Variants in DPH7 observed in about 807,000 individuals in gnomAD.
DPH7 encodes the protein diphthine methyltransferase.
DPH7 carries 44 observed loss-of-function variants against 41.7 expected under a neutral mutation model. That is an observed-to-expected ratio of 1.05 (90% confidence interval 0.83 to 1.36). The LOEUF is 1.36. Ranked by LOEUF, DPH7 falls within the 40% of genes most tolerant of loss-of-function variation. The probability of loss-of-function intolerance (pLI) is 0.00; values close to 1 mark genes in which losing one functional copy is unlikely to be tolerated. For missense variants in DPH7, 629 were observed against 577.5 expected, an observed-to-expected ratio of 1.09 and a Z score of -0.91; for synonymous variants, 275 against 238.0, an observed-to-expected ratio of 1.16 and a Z score of -1.43.
intron 8 of DPH7, among the ~76,000 whole-genome samples, chr9:137,560,298 T>C (rs1838281943): frequency 6.6e-6 from 1 of 152,078 alleles, no homozygotes; most frequent in East Asian, 1.9e-4. Flanking sequence ...GGAACAGCTG[T>C]CACCAGGATG....
Position 137,555,300 on chromosome 9 carries a change from A to G in DPH7, c.1298T>C (p.Leu433Pro), listed in dbSNP as rs760247811. 1 of 1,612,768 alleles carries G rather than the reference A, an allele frequency of 6.2e-7. No homozygotes were observed. The highest frequency in any genetic ancestry group is 1.1e-5 in the South Asian group (1 of 90,862). Reference protein sequence around the residue: ...NPEEADSAFSLLATCSFYDHA... With the variant: ...NPEEADSAFSPLATCSFYDHA... ...GTCATAGAAGGAGCAGGTGGCCAGG[A>G]GGCTGAAGGCTGAGTCTGCTTCTTC... The change falls in exon 9 of 9, where the codon CTC (leucine) becomes CCC (proline). Residue 433 changes from leucine to proline, a missense_variant. Leu to Pro is a moderately conservative substitution (Grantham distance 98, BLOSUM62 -3). Transcript: ENST00000277540.
rs1331517334 is a variant in DPH7, at chr9:137,574,291, T to G, written c.557A>C (p.Gln186Pro). Reference protein sequence around the residue: ...LMVNETRPRLQKVASWQAHQF... With the variant: ...LMVNETRPRLPKVASWQAHQF... The stretch of plus-strand genomic sequence containing the variant: ...ATGTGCCTGCCATGAGGCCACTTTC[T>G]GCAGCCTGGGCCTCGTCTCATTCAC... The change falls in exon 5 of 9, where the codon CAG becomes CCG. Residue 186 changes from glutamine (Q) to proline (P), a missense_variant. Transcript: ENST00000277540. 6.2e-7 allele frequency: 1 copy of G among 1,614,222 alleles called. No homozygotes were observed. Among genetic ancestry groups the G allele is most frequent in the Non-Finnish European group, 8.5e-7 (1 of 1,180,044 alleles).
At chr9:137,557,057 G>A (rs920944284) in intron 8 of DPH7, among the ~76,000 whole-genome samples, 4 of 152,090 alleles carry the variant, frequency 2.6e-5, no homozygotes, top group African/African-American at 9.7e-5. Context: ...GAGTAGCTGC[G>A]ACCATCATGC....
chr9:137,554,794 A>C lies in DPH7; in HGVS notation c.*445T>G, dbSNP rs1021031803. 6.5e-6 allele frequency: 1 copy of C among 154,516 alleles called. No individual in the cohort carries two copies. The highest frequency in any genetic ancestry group is 1.4e-5 in the Non-Finnish European group (1 of 69,794). The allele number at this position is 154,516 out of a possible 1,614,324, so 9.6% of individuals were successfully genotyped here. On this transcript the variant is annotated 3_prime_UTR_variant, in exon 9 of 9. Coordinates refer to ENST00000277540, the MANE Select transcript of DPH7 (RefSeq NM_138778.5). ...ATGAGTTCAGCTGCGGGATTTTCCA[A>C]AAGTTTTGGGATTTTGGATTTTTGG...
chr9:137,561,846 T>C (rs185692059), intron 8 of DPH7, among the ~76,000 whole-genome samples: 19 of 151,996 alleles, frequency 1.3e-4, no homozygotes, highest in African/African-American at 2.9e-4. Flanking sequence ...ACAGTTAGAG[T>C]TGGAGGTAGC....
At chr9:137,558,567 C>A (rs1019417971) in intron 8 of DPH7, among the ~76,000 whole-genome samples, 2 of 151,902 alleles carry the variant, frequency 1.3e-5, no homozygotes, top group African/African-American at 4.8e-5. Flanking sequence ...GTAAAGAAGC[C>A]GGATATAAAA....
At chr9:137,570,777 C>T (rs1564448868) in intron 5 of DPH7, among the ~76,000 whole-genome samples, 1 of 152,188 alleles carries the variant, frequency 6.6e-6, no homozygotes, top group Non-Finnish European at 1.5e-5. Context: ...CAGGGCCACT[C>T]CTGCCTTAGG....
At chr9:137,575,416 C>T in intron 3 of DPH7, 3 of 988,870 alleles carry the variant, frequency 3.0e-6, no homozygotes, top group Non-Finnish European at 3.6e-6. Context: ...TGGGTTCATG[C>T]ACTCCTCCCT....
At position 137,558,244 on chromosome 9, in the gene DPH7, T is replaced by C. The variant is rs188111311; in HGVS notation, c.950-2596A>G. ...AGTTCACCTCTTCAACTTTAAGAAC[T>C]GAAGGCTGGATGCAGTGGCTCAAGC... On this transcript the variant is annotated intron_variant, in intron 8 of 8. Transcript: ENST00000277540. Among the ~76,000 whole-genome samples the C allele has an allele frequency of 2.0e-5, 3 of 152,234 alleles. 1 individual carries two copies. The highest frequency in any genetic ancestry group is 2.9e-5 in the Non-Finnish European group (2 of 68,008).
chr9:137,562,714 G>C (rs1010951420), intron 8 of DPH7, among the ~76,000 whole-genome samples: 1 of 151,398 alleles, frequency 6.6e-6, no homozygotes, highest in Non-Finnish European at 1.5e-5. Context: ...GGTGGCTCAT[G>C]CCTGTACTTT....
chr9:137,573,985 G>A (rs1053860802), intron 5 of DPH7, among the ~76,000 whole-genome samples: 2 of 152,184 alleles, frequency 1.3e-5, no homozygotes, highest in South Asian at 2.1e-4. Flanking sequence ...AGAATCGCTT[G>A]AACCTGGGAG....
In DPH7 at chr9:137,574,286, CTTTCT is replaced by C; in HGVS notation, c.557_561del (p.Gln186ArgfsTer74). ...AATTGATGTGCCTGCCATGAGGCCACTTTCTGCAGCCTGGGCCTCGTCTCATTCAC... is the reference window on the plus strand; with the variant it reads ...AATTGATGTGCCTGCCATGAGGCCACGCAGCCTGGGCCTCGTCTCATTCAC... On this transcript the variant is annotated frameshift_variant, in exon 5 of 9. Coordinates refer to ENST00000277540, the MANE Select transcript of DPH7 (RefSeq NM_138778.5). LOFTEE classifies it high-confidence loss of function. The C allele has an allele frequency of 6.2e-7, 1 of 1,614,198 alleles. No individual in the cohort carries two copies. Among genetic ancestry groups the C allele is most frequent in the South Asian group, 1.1e-5 (1 of 91,086 alleles).
At position 137,576,185 on chromosome 9, in the gene DPH7, C is replaced by T. The variant is rs138520650; in HGVS notation, c.288-18G>A. On this transcript the variant is annotated intron_variant, in intron 2 of 8. Coordinates refer to ENST00000277540, the MANE Select transcript of DPH7 (RefSeq NM_138778.5). ...TGTGACACCTGAGGAGAGGGCCCAC[C>T]ATAAGCACACCAATGTGCCCGGAGC... The T allele has an allele frequency of 3.4e-4, 541 of 1,610,652 alleles. 3 individuals carry two copies. In the African/African-American group the frequency reaches 6.1e-3, roughly 18 times the overall value.
intron 3 of DPH7, chr9:137,575,559 C>T (rs891076646): frequency 1.6e-5 from 16 of 994,216 alleles, no homozygotes; most frequent in South Asian, 4.5e-5. Flanking sequence ...GCATCTGCAT[C>T]GGAGTGAGGG....
At chr9:137,570,097 TCCATCCACCCACACGCCCTCCTACCCA>T (rs1477738714) in intron 5 of DPH7, among the ~76,000 whole-genome samples, 6 of 150,284 alleles carry the variant, frequency 4.0e-5, no homozygotes, top group African/African-American at 1.2e-4. Flanking sequence ...CATCCATCCA[TCCATCCACCCACACGCCCTCCTACCCA>T]CCATCCACCC....
Position 137,574,754 on chromosome 9 carries a change from T to C in DPH7, c.465A>G (p.Gly155=). The C allele has an allele frequency of 6.2e-7, 1 of 1,613,866 alleles. No individual in the cohort carries two copies. The stretch of plus-strand genomic sequence containing the variant: ...CCCTGACCAAGCCTGGCCCTTACCT[T>C]CCAGTTTTCCCAGTGGACCAATCTA... The part of the protein sequence containing the change: ...LSLDWSTGKT[G]RAGDQPLKII... Residue 155 remains glycine (G), a splice_region_variant and synonymous_variant, in exon 4 of 9, where the codon GGA becomes GGG. Coordinates refer to ENST00000277540, the MANE Select transcript of DPH7 (RefSeq NM_138778.5).
Position 137,557,618 on chromosome 9 carries a change from A to G in DPH7, c.950-1970T>C, listed in dbSNP as rs191970177. ...TGGATCACATGAGGGCAGGAGTTTG[A>G]GAGCAGCCTGGGAAACATGGTGAAA... is the stretch of plus-strand genomic sequence containing the variant. On this transcript the variant is annotated intron_variant, in intron 8 of 8. Transcript: ENST00000277540. 9.7e-4 allele frequency among the ~76,000 whole-genome samples: 147 copies of G among 152,068 alleles called. 3 individuals carry two copies. The highest frequency in any genetic ancestry group is 8.5e-4 in the Admixed American group (13 of 15,270).
In DPH7 at chr9:137,565,174, C is replaced by T; in HGVS notation, c.641-20G>A. On this transcript the variant is annotated intron_variant, in intron 5 of 8. Transcript: ENST00000277540. ...CGCCCCCTGTGTGGAGAAAGAGAAG[C>T]ATCAACACCACTAATGACAGGAAAT... 1 of 1,612,972 alleles carries T rather than the reference C, an allele frequency of 6.2e-7. No homozygotes were observed. The highest frequency in any genetic ancestry group is 8.5e-7 in the Non-Finnish European group (1 of 1,179,130).
intron 8 of DPH7, among the ~76,000 whole-genome samples, chr9:137,557,056 C>T (rs975451727): frequency 1.3e-5 from 2 of 152,144 alleles, no homozygotes; most frequent in Non-Finnish European, 2.9e-5. Flanking sequence ...TGAGTAGCTG[C>T]GACCATCATG....
Sources: allele counts gnomAD v4.1 joint callset (sites outside exome capture counted in the v4.1 genomes callset), GRCh38; gene constraint gnomAD v4.1.1; transcripts MANE v1.5; gene names NCBI Gene and HGNC (gene_info 2026-07-23, HGNC 2026-07-21).